Variants in CHD6 observed in about 807,000 individuals in gnomAD.
The protein encoded by CHD6 is chromodomain helicase DNA binding protein 6.
In CHD6, 50 loss-of-function variants were observed where a neutral mutation model predicts 276.9. That is an observed-to-expected ratio of 0.18 (90% CI 0.14 to 0.23). CHD6 has a LOEUF of 0.23. CHD6 is among the 10% of genes least tolerant of loss of function. The pLI, the probability that CHD6 is intolerant of heterozygous loss-of-function variation, is 1.00. For missense variants in CHD6, 2,564 were observed against 3,365.8 expected (o/e 0.76, Z 5.89); for synonymous variants, 1,173 against 1,229.3 (o/e 0.95, Z 0.96).
In CHD6 at chr20:41,484,610, G is replaced by A. The variant is rs766924886; in HGVS notation, c.2002-3C>T. On this transcript the variant is annotated splice_region_variant and splice_polypyrimidine_tract_variant and intron_variant, in intron 14 of 36. Transcript: ENST00000373233. ...AGGATAGACTGCAGTTTCTTTACCT[G>A]TCCAGGGAAATGAGACCTAGTTACC... The A allele has an allele frequency of 3.1e-6, 5 of 1,613,474 alleles. No homozygotes were observed.
At chr20:41,489,634 C>G (rs2043500919) in intron 12 of CHD6, 144 bp downstream of exon 12, 1 of 1,008,996 alleles carries the variant, frequency 9.9e-7, no homozygotes, top group Admixed American at 2.0e-5. Flanking sequence ...CCAGGGAGAG[C>G]AGGAGTCAGC....
At chr20:41,535,851 G>A (rs148768490) in intron 2 of CHD6, among the ~76,000 whole-genome samples, 140 of 152,314 alleles carry the variant, frequency 9.2e-4, no homozygotes, top group African/African-American at 3.1e-3. Flanking sequence ...GGGCAACACA[G>A]CAAGACTCAA....
chr20:41,583,798 G>A (rs1212668225), intron 1 of CHD6, among the ~76,000 whole-genome samples: 1 of 152,166 alleles, frequency 6.6e-6, no homozygotes, highest in Non-Finnish European at 1.5e-5. Context: ...CATACTATAT[G>A]AGAAGTAGTA....
chr20:41,526,013 C>G (rs147329586), intron 3 of CHD6, among the ~76,000 whole-genome samples: 2 of 152,168 alleles, frequency 1.3e-5, no homozygotes, highest in African/African-American at 4.8e-5. Context: ...AAGCAAGACA[C>G]AGAAGAGGCA....
intron 27 of CHD6, 132 bp downstream of exon 27, chr20:41,437,142 A>G: frequency 3.2e-6 from 2 of 623,490 alleles, no homozygotes; most frequent in Non-Finnish European, 5.6e-6. Context: ...AAGTTTTTAT[A>G]ATAAAATGTT....
intron 17 of CHD6, among the ~76,000 whole-genome samples, chr20:41,462,695 C>A (rs1477625754): frequency 6.6e-6 from 1 of 152,128 alleles, no homozygotes; most frequent in African/African-American, 2.4e-5. Flanking sequence ...TATATACACA[C>A]ATACATATAC....
intron 2 of CHD6, among the ~76,000 whole-genome samples, chr20:41,542,329 C>T (rs1453473625): frequency 6.6e-6 from 1 of 152,172 alleles, no homozygotes; most frequent in Non-Finnish European, 1.5e-5. Context: ...AGGCCCTAGG[C>T]CCAAAACTTA....
intron 1 of CHD6, among the ~76,000 whole-genome samples, chr20:41,576,966 T>G (rs2045480538): frequency 1.3e-5 from 2 of 152,208 alleles, no homozygotes; most frequent in African/African-American, 4.8e-5. Flanking sequence ...AAAACATGCC[T>G]GCTCAAATTA....
intron 13 of CHD6, 151 bp downstream of exon 13, chr20:41,488,277 T>A (rs2043466566): frequency 1.4e-6 from 1 of 691,430 alleles, no homozygotes; most frequent in Non-Finnish European, 2.4e-6. Context: ...AAATCTTAAT[T>A]CCTATACTAT....
intron 2 of CHD6, among the ~76,000 whole-genome samples, chr20:41,536,958 G>T (rs6072409): frequency 6.6e-6 from 1 of 152,162 alleles, no homozygotes; most frequent in African/African-American, 2.4e-5. Context: ...GGCATATATA[G>T]AGATGTGAAG....
chr20:41,447,769 G>C, intron 24 of CHD6, 113 bp downstream of exon 24: 1 of 633,768 alleles, frequency 1.6e-6, no homozygotes, highest in Non-Finnish European at 2.8e-6. Context: ...GTCCTGGGCA[G>C]GGGGTAGGAG....
chr20:41,547,294 T>C (rs2045060564), intron 2 of CHD6: 2 of 186,898 alleles, frequency 1.1e-5, no homozygotes, highest in African/African-American at 4.7e-5. Context: ...GTGAGGCATG[T>C]TATGATTACT....
At chr20:41,516,753 G>GT (rs2044261951) in intron 3 of CHD6, among the ~76,000 whole-genome samples, 1 of 152,124 alleles carries the variant, frequency 6.6e-6, no homozygotes, top group South Asian at 2.1e-4. Context: ...AGGCCAGGAA[G>GT]TTTAGACTTC....
intron 1 of CHD6, among the ~76,000 whole-genome samples, chr20:41,610,098 C>G (rs1227361922): frequency 6.6e-6 from 1 of 152,142 alleles, no homozygotes; most frequent in East Asian, 1.9e-4. Context: ...ATCAAGTGAT[C>G]TGCCCACCTC....
chr20:41,415,058 G>A, intron 34 of CHD6, 128 bp downstream of exon 34: 1 of 1,473,522 alleles, frequency 6.8e-7, no homozygotes, highest in South Asian at 1.4e-5. Flanking sequence ...CTTATAATGA[G>A]AGAAAATAAA....
chr20:41,541,713 G>A (rs1366346950), intron 2 of CHD6, among the ~76,000 whole-genome samples: 1 of 152,212 alleles, frequency 6.6e-6, no homozygotes. Flanking sequence ...CATCGCAGGT[G>A]TCAAACGCTG....
In CHD6 at chr20:41,618,319, AAAGTT is replaced by A. The variant is rs1376051755; in HGVS notation, c.-24+16_-24+20del. ...CCGCCGAGGCCAGGGAGGAAAATAA[AAAGTT>A]AAGAGAAGAACTTACCTAAAATGGC... On this transcript the variant is annotated intron_variant, in intron 1 of 36. Transcript: ENST00000373233. 1.3e-5 allele frequency: 2 copies of A among 151,706 alleles called. No homozygotes were observed. The highest frequency in any genetic ancestry group is 2.9e-5 in the Non-Finnish European group (2 of 67,964). 9.4% of individuals were successfully genotyped at this position (151,706 alleles called of 1,614,324 possible).
intron 1 of CHD6, among the ~76,000 whole-genome samples, chr20:41,583,382 C>A (rs980426804): frequency 2.0e-5 from 3 of 151,456 alleles, no homozygotes; most frequent in African/African-American, 7.3e-5. Context: ...TGGAGTAATT[C>A]TTTAAAGTAA....
intron 29 of CHD6, 49 bp downstream of exon 29, chr20:41,425,129 C>G (rs1225827664): frequency 1.3e-6 from 2 of 1,504,504 alleles, no homozygotes; most frequent in Admixed American, 3.4e-5. Context: ...CTTTTGAAAA[C>G]TTTACCCAGT....
Sources: allele counts gnomAD v4.1 joint callset (sites outside exome capture counted in the v4.1 genomes callset), GRCh38; gene constraint gnomAD v4.1.1; transcripts MANE v1.5; gene names NCBI Gene and HGNC (gene_info 2026-07-23, HGNC 2026-07-21).